Variants in SLX4IP observed in about 807,000 individuals in gnomAD.
The protein encoded by SLX4IP is SLX4 interacting protein, also known as protein SLX4IP.
A neutral mutation model predicts 32.9 loss-of-function variants in SLX4IP; 34 were observed. The observed-to-expected ratio is 1.03, with a 90% CI of 0.79 to 1.38. The LOEUF (loss-of-function observed/expected upper bound fraction) is 1.38, where lower values mean the gene tolerates loss of function less well. Ranked by LOEUF, SLX4IP falls within the 40% of genes most tolerant of loss-of-function variation. The pLI, the probability that SLX4IP is intolerant of heterozygous loss-of-function variation, is 0.00. For synonymous variants in SLX4IP, 172 were observed against 171.7 expected (o/e 1.00, Z -0.01); for missense variants, 444 against 479.0 (o/e 0.93, Z 0.68).
chr20:10,617,804 A>C (rs1234819660), intron 6 of SLX4IP, among the ~76,000 whole-genome samples: 2 of 151,412 alleles, frequency 1.3e-5, no homozygotes, highest in Admixed American at 6.6e-5. Flanking sequence ...GCACACCACC[A>C]CGCCTGGCTA....
intron 2 of SLX4IP, among the ~76,000 whole-genome samples, chr20:10,496,630 C>T (rs1032907999): frequency 6.6e-6 from 1 of 151,570 alleles, no homozygotes; most frequent in Non-Finnish European, 1.5e-5. Flanking sequence ...CATCCATGTA[C>T]TACTAGGCAG....
At chr20:10,501,689 G>A (rs1178972442) in intron 2 of SLX4IP, among the ~76,000 whole-genome samples, 1 of 152,246 alleles carries the variant, frequency 6.6e-6, no homozygotes, top group Non-Finnish European at 1.5e-5. Context: ...ATGCCAGATG[G>A]CAGGTTTTCC....
chr20:10,576,871 G>A (rs2066529419), intron 4 of SLX4IP, among the ~76,000 whole-genome samples: 1 of 152,134 alleles, frequency 6.6e-6, no homozygotes, highest in Non-Finnish European at 1.5e-5. Context: ...TTACTTAATT[G>A]CAACCAGAAG....
At chr20:10,614,959 T>C (rs1236622598) in intron 6 of SLX4IP, among the ~76,000 whole-genome samples, 1 of 152,196 alleles carries the variant, frequency 6.6e-6, no homozygotes. Context: ...AGACTTAGTA[T>C]ATAAAACATC....
intron 2 of SLX4IP, among the ~76,000 whole-genome samples, chr20:10,491,369 T>G (rs634139): frequency 6.6e-6 from 1 of 151,914 alleles, no homozygotes; most frequent in Non-Finnish European, 1.5e-5. Flanking sequence ...AGCCAAGTAA[T>G]CATATTCATG....
chr20:10,486,212 G>T (rs1440439818), intron 2 of SLX4IP, among the ~76,000 whole-genome samples: 1 of 148,524 alleles, frequency 6.7e-6, no homozygotes, highest in African/African-American at 2.5e-5. Flanking sequence ...TACTAGGTAG[G>T]CATCCTAACA....
intron 4 of SLX4IP, among the ~76,000 whole-genome samples, chr20:10,592,219 A>G (rs2066716411): frequency 6.6e-6 from 1 of 152,168 alleles, no homozygotes; most frequent in African/African-American, 2.4e-5. Flanking sequence ...GCCTAGGATC[A>G]AATATTCCAC....
chr20:10,485,329 A>G (rs914943843), intron 2 of SLX4IP, among the ~76,000 whole-genome samples: 1 of 152,054 alleles, frequency 6.6e-6, no homozygotes, highest in Non-Finnish European at 1.5e-5. Context: ...TTGGTTGGGC[A>G]TGGTGGTTCA....
At chr20:10,468,358 G>A (rs1485259067) in intron 2 of SLX4IP, among the ~76,000 whole-genome samples, 1 of 152,134 alleles carries the variant, frequency 6.6e-6, no homozygotes, top group Non-Finnish European at 1.5e-5. Context: ...AAGTGCCAGG[G>A]TAATGTTTTC....
intron 1 of SLX4IP, among the ~76,000 whole-genome samples, chr20:10,455,461 C>T (rs1186540083): frequency 2.0e-5 from 3 of 151,976 alleles, no homozygotes; most frequent in African/African-American, 7.2e-5. Flanking sequence ...TGTTCTAGAA[C>T]CATTTGTTGA....
In SLX4IP at chr20:10,474,202, C is replaced by T. The variant is rs766309391; in HGVS notation, c.27+15971C>T. On this transcript the variant is annotated intron_variant, in intron 2 of 7. Coordinates refer to ENST00000334534, the MANE Select transcript of SLX4IP (RefSeq NM_001009608.3). ...AAGTGCTGGGTTTACAGGCATGAGC[C>T]ACCATTCCTGGCCAAAGCTGCCTGA... Among the ~76,000 whole-genome samples, 10 of 152,292 alleles carry T rather than the reference C, an allele frequency of 6.6e-5. No homozygotes were observed. In the Middle Eastern group the frequency reaches 0.014, roughly 207 times the overall value.
chr20:10,456,996 T>C (rs2065290345), intron 1 of SLX4IP, among the ~76,000 whole-genome samples: 1 of 152,204 alleles, frequency 6.6e-6, no homozygotes, highest in African/African-American at 2.4e-5. Flanking sequence ...ATAGAATTTT[T>C]CTTTAAATTT....
chr20:10,436,124 AC>A (rs1174936650), intron 1 of SLX4IP, among the ~76,000 whole-genome samples: 7 of 152,278 alleles, frequency 4.6e-5, no homozygotes, highest in African/African-American at 1.7e-4. Flanking sequence ...CCTAGACATA[AC>A]GATATTTGTA....
At chr20:10,473,816 G>A (rs536366742) in intron 2 of SLX4IP, among the ~76,000 whole-genome samples, 77 of 151,608 alleles carry the variant, frequency 5.1e-4, no homozygotes, top group Middle Eastern at 3.4e-3. Context: ...ATGTTGGCCC[G>A]GCTGGTTGGT....
chr20:10,558,684 A>G (rs982314635), intron 3 of SLX4IP, among the ~76,000 whole-genome samples: 2 of 152,208 alleles, frequency 1.3e-5, no homozygotes, highest in African/African-American at 4.8e-5. Flanking sequence ...AAACTGTTCC[A>G]TGTGTCAACT....
At chr20:10,604,648 C>A (rs2066884468) in intron 6 of SLX4IP, among the ~76,000 whole-genome samples, 1 of 152,232 alleles carries the variant, frequency 6.6e-6, no homozygotes, top group South Asian at 2.1e-4. Flanking sequence ...CACCACAGCG[C>A]CAGGGAGGTC....
At chr20:10,590,868 G>GTTAAATTCTAAC (rs2066701341) in intron 4 of SLX4IP, among the ~76,000 whole-genome samples, 1 of 152,196 alleles carries the variant, frequency 6.6e-6, no homozygotes, top group Admixed American at 6.5e-5. Flanking sequence ...CAACTGAAGT[G>GTTAAATTCTAAC]TGAAGAATTT....
At chr20:10,498,828 A>T (rs2065692150) in intron 2 of SLX4IP, among the ~76,000 whole-genome samples, 1 of 151,974 alleles carries the variant, frequency 6.6e-6, no homozygotes. Flanking sequence ...TCTAATTTTT[A>T]AAAATTTCCT....
intron 4 of SLX4IP, among the ~76,000 whole-genome samples, chr20:10,574,632 C>A (rs2066503382): frequency 6.6e-6 from 1 of 152,012 alleles, no homozygotes; most frequent in East Asian, 1.9e-4. Flanking sequence ...CCAAATACCC[C>A]AGGACTCTTA....
Sources: allele counts gnomAD v4.1 joint callset (sites outside exome capture counted in the v4.1 genomes callset), GRCh38; gene constraint gnomAD v4.1.1; transcripts MANE v1.5; gene names NCBI Gene and HGNC (gene_info 2026-07-23, HGNC 2026-07-21).